PIBF1: variants seen among roughly 807,000 people sequenced by gnomAD.
PIBF1 encodes the protein progesterone-induced-blocking factor 1.
In PIBF1, 90 loss-of-function variants were observed where a neutral mutation model predicts 112.5. The observed-to-expected ratio is 0.80, with a 90% CI of 0.67 to 0.95. The LOEUF (loss-of-function observed/expected upper bound fraction) is 0.95. PIBF1 is among the 40% of genes least tolerant of loss of function. The pLI, the probability that PIBF1 is intolerant of heterozygous loss-of-function variation, is 0.00. For missense variants in PIBF1, 915 were observed against 852.3 expected, an observed-to-expected ratio of 1.07 and a Z score of -0.92; for synonymous variants, 301 against 288.6, an observed-to-expected ratio of 1.04 and a Z score of -0.44.
At chr13:72,979,330 C>T (rs1253241333) in intron 16 of PIBF1, among the ~76,000 whole-genome samples, 1 of 152,156 alleles carries the variant, frequency 6.6e-6, no homozygotes, top group Non-Finnish European at 1.5e-5. Flanking sequence ...TACTGATCAC[C>T]TTTGGAAATT....
intron 5 of PIBF1, among the ~76,000 whole-genome samples, chr13:72,811,002 G>T (rs549879201): frequency 3.3e-5 from 5 of 152,138 alleles, no homozygotes; most frequent in African/African-American, 1.2e-4. Flanking sequence ...GACTACAGGT[G>T]CACGCTGCCA....
chr13:72,905,814 A>G (rs1351030017), intron 11 of PIBF1, among the ~76,000 whole-genome samples: 1 of 152,170 alleles, frequency 6.6e-6, no homozygotes, highest in African/African-American at 2.4e-5. Context: ...TGCTTTGTTT[A>G]AAGGTCATAT....
chr13:72,942,265 TAAAAAAA>T lies in PIBF1; in HGVS notation c.1833+11010_1833+11016del, dbSNP rs35561447. On this transcript the variant is annotated intron_variant, in intron 14 of 17. Coordinates refer to ENST00000326291, the MANE Select transcript of PIBF1 (RefSeq NM_006346.4). The stretch of plus-strand genomic sequence containing the variant: ...CCATATTTCTAAGACTTCAATGATG[TAAAAAAA>T]AAAAAAAAAAACCCACTGTTTTGTG... Among the ~76,000 whole-genome samples the T allele has an allele frequency of 4.5e-5, 6 of 134,792 alleles. No homozygotes were observed. In the South Asian group the frequency reaches 9.6e-4, roughly 21 times the overall value. 88.4% of individuals were successfully genotyped at this position (134,792 alleles called of 152,430 possible).
At chr13:72,972,611 C>T (rs1323038664) in intron 15 of PIBF1, among the ~76,000 whole-genome samples, 1 of 151,918 alleles carries the variant, frequency 6.6e-6, no homozygotes, top group East Asian at 1.9e-4. Context: ...TTGCAGTGAG[C>T]CGAGATCGCG....
chr13:72,869,259 G>A (rs1327792267), intron 10 of PIBF1, among the ~76,000 whole-genome samples: 2 of 152,058 alleles, frequency 1.3e-5, no homozygotes, highest in Non-Finnish European at 2.9e-5. Context: ...AGTGTGGCAC[G>A]TGTACACCAT....
chr13:72,852,407 C>T (rs1316888905), intron 9 of PIBF1, among the ~76,000 whole-genome samples: 2 of 152,226 alleles, frequency 1.3e-5, no homozygotes, highest in East Asian at 3.9e-4. Context: ...CTGCTGTGTG[C>T]AGTGGTTGAA....
At chr13:72,872,765 G>GA (rs2039220649) in intron 10 of PIBF1, among the ~76,000 whole-genome samples, 1 of 152,056 alleles carries the variant, frequency 6.6e-6, no homozygotes, top group African/African-American at 2.4e-5. Context: ...AAGTTACTAT[G>GA]AAAAAATTTA....
intron 13 of PIBF1, among the ~76,000 whole-genome samples, chr13:72,924,809 G>T (rs2325482): frequency 6.6e-6 from 1 of 152,008 alleles, no homozygotes; most frequent in Non-Finnish European, 1.5e-5. Context: ...TTTATGAGTT[G>T]CATCTGTTTA....
intron 4 of PIBF1, among the ~76,000 whole-genome samples, chr13:72,797,161 C>T (rs1374471391): frequency 6.6e-6 from 1 of 152,108 alleles, no homozygotes; most frequent in Non-Finnish European, 1.5e-5. Context: ...TTGATTCATT[C>T]TGATTAGACT....
intron 16 of PIBF1, among the ~76,000 whole-genome samples, chr13:72,987,039 C>T (rs571984199): frequency 1.3e-4 from 20 of 152,300 alleles, no homozygotes; most frequent in African/African-American, 4.3e-4. Context: ...ACCTGCTCTG[C>T]TCTAGTCAGT....
chr13:72,971,934 C>G (rs2042901465), intron 15 of PIBF1, among the ~76,000 whole-genome samples: 1 of 137,828 alleles, frequency 7.3e-6, no homozygotes, highest in Admixed American at 7.9e-5. Flanking sequence ...TGCAGATTGC[C>G]TACTACTGTT....
chr13:72,900,647 C>A (rs1315434456), intron 11 of PIBF1, among the ~76,000 whole-genome samples: 2 of 152,184 alleles, frequency 1.3e-5, no homozygotes, highest in East Asian at 1.9e-4. Flanking sequence ...TATAAAAATT[C>A]TGGAACCTAA....
intron 10 of PIBF1, among the ~76,000 whole-genome samples, chr13:72,886,583 A>T (rs1010807672): frequency 2.6e-5 from 4 of 151,624 alleles, no homozygotes; most frequent in African/African-American, 9.7e-5. Flanking sequence ...TATTTTTTTG[A>T]CTTTATAAGA....
At chr13:72,790,544 T>C (rs542119489) in intron 2 of PIBF1, among the ~76,000 whole-genome samples, 1 of 149,102 alleles carries the variant, frequency 6.7e-6, no homozygotes, top group East Asian at 2.0e-4. Flanking sequence ...GATAGATAGA[T>C]AGATAGATAG....
chr13:72,811,133 T>A (rs2035990147), intron 5 of PIBF1, among the ~76,000 whole-genome samples: 1 of 152,202 alleles, frequency 6.6e-6, no homozygotes, highest in Non-Finnish European at 1.5e-5. Context: ...GTGCTGGGAT[T>A]ATAGGCGTGA....
At chr13:72,793,789 A>G (rs1002790743) in intron 3 of PIBF1, among the ~76,000 whole-genome samples, 1 of 152,236 alleles carries the variant, frequency 6.6e-6, no homozygotes, top group Non-Finnish European at 1.5e-5. Flanking sequence ...GAACAAATGA[A>G]AAAATGGAAT....
At chr13:72,963,335 T>G (rs1198928203) in intron 14 of PIBF1, among the ~76,000 whole-genome samples, 1 of 152,232 alleles carries the variant, frequency 6.6e-6, no homozygotes, top group East Asian at 1.9e-4. Flanking sequence ...GGCTCATGCC[T>G]GTAATCCCAG....
At chr13:72,946,491 C>T (rs575830868) in intron 14 of PIBF1, among the ~76,000 whole-genome samples, 151 of 152,276 alleles carry the variant, frequency 9.9e-4, no homozygotes, top group Middle Eastern at 6.8e-3. Flanking sequence ...ACAATCATGC[C>T]TTTCCAACAG....
At chr13:72,925,012 A>C (rs889142820) in intron 13 of PIBF1, among the ~76,000 whole-genome samples, 1 of 152,210 alleles carries the variant, frequency 6.6e-6, no homozygotes, top group African/African-American at 2.4e-5. Flanking sequence ...CAGTGGAAGG[A>C]ATACAGAAAA....
Sources: allele counts gnomAD v4.1 joint callset (sites outside exome capture counted in the v4.1 genomes callset), GRCh38; gene constraint gnomAD v4.1.1; transcripts MANE v1.5; gene names NCBI Gene and HGNC (gene_info 2026-07-23, HGNC 2026-07-21).